Variants in RNF150 observed in about 807,000 individuals in gnomAD.
The protein encoded by RNF150 is ring finger protein 150.
Under a neutral mutation model 39.3 loss-of-function variants are expected in RNF150, and 24 were observed. That is an observed-to-expected ratio of 0.61 (90% CI 0.44 to 0.86). The LOEUF (loss-of-function observed/expected upper bound fraction) is 0.86, where lower values mean the gene tolerates loss of function less well. Among genes scored for constraint, RNF150 ranks in the 40% least tolerant of loss-of-function variants. The pLI is 0.00. For missense variants in RNF150, 502 were observed against 587.8 expected, an observed-to-expected ratio of 0.85 and a Z score of 1.51; for synonymous variants, 255 against 227.3, an observed-to-expected ratio of 1.12 and a Z score of -1.10.
Position 141,161,121 on chromosome 4 carries a change from C to T in RNF150, c.-6+51673G>A, listed in dbSNP as rs1578773612. ...TAGAAACTGGTTAAATGGTTGTGAC[C>T]GAAGCGCTGATAGTGATATAGACAT... On this transcript the variant is annotated intron_variant, in intron 1 of 7. Transcript: ENST00000420921. Among the ~76,000 whole-genome samples, 6 of 152,104 alleles carry T rather than the reference C, an allele frequency of 3.9e-5. No homozygotes were observed. In the South Asian group the frequency reaches 8.3e-4, roughly 21 times the overall value.
At chr4:141,003,575 AC>A (rs1171502426) in intron 1 of RNF150, among the ~76,000 whole-genome samples, 2 of 64,564 alleles carry the variant, frequency 3.1e-5, no homozygotes, top group East Asian at 6.2e-4. Context: ...GTACACACAC[AC>A]ACACACACAC....
chr4:140,880,021 A>T (rs951362869), intron 6 of RNF150, among the ~76,000 whole-genome samples: 7 of 151,894 alleles, frequency 4.6e-5, no homozygotes, highest in Non-Finnish European at 1.0e-4. Flanking sequence ...TCTGACTAGG[A>T]CTTCCAGTAC....
Position 141,132,278 on chromosome 4 carries a change from C to T in RNF150, c.484+47G>A, listed in dbSNP as rs1009159901. On this transcript the variant is annotated intron_variant, in intron 1 of 6. Coordinates refer to ENST00000515673, the MANE Select transcript of RNF150 (RefSeq NM_020724.2). The surrounding 1 kb of genome is among the most constrained non-coding windows in gnomAD (Gnocchi z 4.9). ...GCAGGCGCTGGATCCCTCTAGGCAC[C>T]TCCGTCCCCGCCGGCTCCCCTCCCC... 4 of 1,547,766 alleles carry T rather than the reference C, an allele frequency of 2.6e-6. No individual in the cohort carries two copies. The African/African-American group carries it at 5.5e-5, about 21-fold the overall frequency.
At chr4:141,019,369 C>T (rs1423369063) in intron 1 of RNF150, among the ~76,000 whole-genome samples, 2 of 151,304 alleles carry the variant, frequency 1.3e-5, no homozygotes, top group East Asian at 3.9e-4. Flanking sequence ...CTATTTTTTC[C>T]AGGTATGAAA....
At chr4:140,929,938 A>G (rs182802909) in intron 4 of RNF150, among the ~76,000 whole-genome samples, 1 of 152,206 alleles carries the variant, frequency 6.6e-6, no homozygotes, top group Admixed American at 6.5e-5. Flanking sequence ...CGGCAGGCAA[A>G]TAACTTGAGT....
chr4:141,061,567 A>G (rs780202169), intron 1 of RNF150, among the ~76,000 whole-genome samples: 2 of 152,210 alleles, frequency 1.3e-5, no homozygotes, highest in African/African-American at 2.4e-5. Context: ...CACAATACAC[A>G]TAAGTGGGAA....
In RNF150 at chr4:140,867,569, C is replaced by A. The variant is rs974274265; in HGVS notation, c.*692G>T. On this transcript the variant is annotated 3_prime_UTR_variant, in exon 7 of 7. Transcript: ENST00000515673. The stretch of plus-strand genomic sequence containing the variant: ...GCAAGTGTGATGTGGCTTAAAATAA[C>A]CAGCAGTGGCCTCAGCAGATTTAGG... The A allele has an allele frequency of 1.3e-5, 2 of 152,160 alleles. No individual in the cohort carries two copies. The highest frequency in any genetic ancestry group is 2.4e-5 in the African/African-American group (1 of 41,416). 9.4% of individuals were successfully genotyped at this position (152,160 alleles called of 1,614,324 possible).
At position 140,947,693 on chromosome 4, in the gene RNF150, C is replaced by G. The variant is rs763659268; in HGVS notation, c.851G>C (p.Gly284Ala). ...DFDNCAVCIE[G>A]YKPNDVVRIL... ...CCGGACAACGTCATTGGGCTTGTAC[C>G]CTTCAATACAAACTGCACAGTTGTC... Residue 284 changes from glycine to alanine, a missense_variant, in exon 4 of 7, where the codon GGG (glycine) becomes GCG (alanine). Gly to Ala is a moderately conservative substitution (Grantham distance 60). Coordinates refer to ENST00000515673, the MANE Select transcript of RNF150 (RefSeq NM_020724.2). The G allele has an allele frequency of 1.9e-6, 3 of 1,606,480 alleles. No individual in the cohort carries two copies. In the South Asian group the frequency reaches 3.4e-5, roughly 18 times the overall value.
intron 6 of RNF150, among the ~76,000 whole-genome samples, chr4:140,896,748 AAAAG>A (rs1428579684): frequency 4.6e-5 from 7 of 151,690 alleles, no homozygotes; most frequent in Admixed American, 6.6e-5. Context: ...TTTTCTTTAA[AAAAG>A]AAAGGAAGCA....
chr4:140,906,899 G>A (rs2111262686), intron 6 of RNF150, among the ~76,000 whole-genome samples: 1 of 152,258 alleles, frequency 6.6e-6, no homozygotes, highest in East Asian at 1.9e-4. Context: ...GACTCAGTAA[G>A]GGGAATAAGG....
intron 6 of RNF150, among the ~76,000 whole-genome samples, chr4:140,880,061 A>C (rs1321054695): frequency 6.6e-6 from 1 of 151,366 alleles, no homozygotes; most frequent in Non-Finnish European, 1.5e-5. Flanking sequence ...AAGAGTGAGC[A>C]TTCTTGTCTT....
chr4:140,892,477 A>T (rs1021808722), intron 6 of RNF150, among the ~76,000 whole-genome samples: 2 of 152,218 alleles, frequency 1.3e-5, no homozygotes, highest in Middle Eastern at 3.2e-3. Context: ...AACTTAAAAA[A>T]CCACGAGTTT....
intron 4 of RNF150, among the ~76,000 whole-genome samples, chr4:140,928,259 C>A (rs368243436): frequency 6.6e-5 from 10 of 152,026 alleles, no homozygotes; most frequent in African/African-American, 9.7e-5. Flanking sequence ...GGGAGCTTGG[C>A]GAGGAGGTGC....
At chr4:140,907,402 A>G (rs59970125) in intron 6 of RNF150, among the ~76,000 whole-genome samples, 4,227 of 152,184 alleles carry the variant, frequency 0.028, 97 homozygotes, top group Admixed American at 0.071. Flanking sequence ...GGCTCTGTAA[A>G]TGTTTTTCAT....
chr4:140,950,363 T>C (rs1732497668), intron 2 of RNF150, among the ~76,000 whole-genome samples: 1 of 152,198 alleles, frequency 6.6e-6, no homozygotes, highest in Admixed American at 6.5e-5. Flanking sequence ...CACATATTAG[T>C]GAACAGTTAA....
intron 1 of RNF150, among the ~76,000 whole-genome samples, chr4:141,047,140 T>C (rs764400706): frequency 8.6e-5 from 13 of 151,996 alleles, no homozygotes; most frequent in Non-Finnish European, 1.9e-4. Context: ...GTGTGAGAGA[T>C]TGTGTGTGTG....
intron 1 of RNF150, among the ~76,000 whole-genome samples, chr4:141,119,050 C>T (rs893087598): frequency 2.6e-5 from 4 of 152,078 alleles, no homozygotes; most frequent in Admixed American, 6.6e-5. Flanking sequence ...CATGAGGCAC[C>T]GCACCCAGCC....
chr4:141,065,087 T>A (rs4956501), intron 1 of RNF150, among the ~76,000 whole-genome samples: 150,366 of 152,234 alleles, frequency 0.99, 74,285 homozygotes, highest in East Asian at 1. Flanking sequence ...CTGATCTTGA[T>A]CTCCTGACCT....
At chr4:140,983,316 G>A (rs1432631386) in intron 1 of RNF150, among the ~76,000 whole-genome samples, 1 of 152,028 alleles carries the variant, frequency 6.6e-6, no homozygotes, top group African/African-American at 2.4e-5. Flanking sequence ...ACATGGGGTG[G>A]TCATTCTAAC....
Sources: gnomAD v4.1 joint callset for allele counts (sites outside exome capture counted in the v4.1 genomes callset) on GRCh38, gnomAD v4.1.1 for gene constraint, Gnocchi (gnomAD v3.1) non-coding constraint, MANE v1.5 for transcripts, NCBI Gene and HGNC (gene_info 2026-07-23, HGNC 2026-07-21) for gene names.